Variants in CDH13 observed in about 807,000 individuals in gnomAD.
CDH13 encodes cadherin 13, also known as cadherin-13.
Under a neutral mutation model 63.8 loss-of-function variants are expected in CDH13, and 24 were observed. That is an observed-to-expected ratio of 0.38 (90% CI 0.27 to 0.53). CDH13 has a LOEUF of 0.53. CDH13 is among the 20% of genes least tolerant of loss of function. The probability of loss-of-function intolerance (pLI) is 0.85; values close to 1 mark genes in which losing one functional copy is unlikely to be tolerated. For missense variants in CDH13, 1,049 were observed against 903.1 expected, an observed-to-expected ratio of 1.16 and a Z score of -2.07; for synonymous variants, 503 against 355.3, an observed-to-expected ratio of 1.42 and a Z score of -4.67.
intron 7 of CDH13, among the ~76,000 whole-genome samples, chr16:83,507,739 TA>T (rs2074435535): frequency 6.6e-6 from 1 of 152,058 alleles, no homozygotes; most frequent in East Asian, 1.9e-4. Context: ...TTTTGCTTAG[TA>T]AAAAATTTAT....
chr16:83,263,548 G>A (rs557786257), intron 5 of CDH13, among the ~76,000 whole-genome samples: 4 of 152,142 alleles, frequency 2.6e-5, no homozygotes, highest in East Asian at 1.9e-4. Flanking sequence ...CCTAGCCACC[G>A]CCCACTGAAT....
intron 2 of CDH13, among the ~76,000 whole-genome samples, chr16:83,011,795 C>A (rs1204110550): frequency 6.6e-6 from 1 of 152,180 alleles, no homozygotes; most frequent in Non-Finnish European, 1.5e-5. Flanking sequence ...CTTCTACAGC[C>A]AAACCCAGCA....
At chr16:83,116,668 G>A (rs563686331) in intron 3 of CDH13, among the ~76,000 whole-genome samples, 6 of 152,358 alleles carry the variant, frequency 3.9e-5, no homozygotes, top group Admixed American at 1.3e-4. Flanking sequence ...ATTTAAGGGT[G>A]ATGGAGATGT....
intron 1 of CDH13, among the ~76,000 whole-genome samples, chr16:82,842,147 T>TATATAC (rs2039057350): frequency 6.5e-4 from 14 of 21,436 alleles, no homozygotes; most frequent in Non-Finnish European, 7.9e-4. Flanking sequence ...TACACATATA[T>TATATAC]ATATATATAT....
chr16:83,381,875 A>T (rs531372733), intron 6 of CDH13, among the ~76,000 whole-genome samples: 2 of 152,320 alleles, frequency 1.3e-5, no homozygotes, highest in East Asian at 3.9e-4. Flanking sequence ...ATTCACAAGT[A>T]TAAAATCATA....
chr16:83,185,125 C>T (rs1938749413), intron 4 of CDH13, among the ~76,000 whole-genome samples: 1 of 152,088 alleles, frequency 6.6e-6, no homozygotes, highest in African/African-American at 2.4e-5. Context: ...GGCACAGAAT[C>T]CTAAGGGTCC....
At chr16:83,552,214 C>G (rs1176227090) in intron 7 of CDH13, among the ~76,000 whole-genome samples, 1 of 152,110 alleles carries the variant, frequency 6.6e-6, no homozygotes, top group Non-Finnish European at 1.5e-5. Flanking sequence ...AGCCTGTGGA[C>G]CTAGTTGGGC....
intron 1 of CDH13, among the ~76,000 whole-genome samples, chr16:82,805,716 A>G (rs1005882924): frequency 6.6e-6 from 1 of 152,160 alleles, no homozygotes; most frequent in Non-Finnish European, 1.5e-5. Flanking sequence ...GTGATTTCTA[A>G]TGGTGCTTTT....
chr16:83,571,649 C>T (rs995045521), intron 7 of CDH13, among the ~76,000 whole-genome samples: 2 of 152,122 alleles, frequency 1.3e-5, no homozygotes, highest in Non-Finnish European at 2.9e-5. Context: ...CTTGAGAATC[C>T]AGCACAGGCA....
At position 83,798,667 on chromosome 16, in the gene CDH13, G is replaced by C. The variant is rs1351183588; in HGVS notation, c.*3637G>C. The C allele has an allele frequency of 6.6e-6, 1 of 152,166 alleles. No individual in the cohort carries two copies. Among genetic ancestry groups the C allele is most frequent in the Non-Finnish European group, 1.5e-5 (1 of 68,048 alleles). The allele number at this position is 152,166 out of a possible 1,614,324, so 9.4% of individuals were successfully genotyped here. On this transcript the variant is annotated 3_prime_UTR_variant, in exon 14 of 14. Transcript: ENST00000567109. ...CACTCTCAACCCAGGAGCAAAACCA[G>C]ACAAAGTGCCTACTGCAGACCGGAA... is the stretch of plus-strand genomic sequence containing the variant.
intron 4 of CDH13, among the ~76,000 whole-genome samples, chr16:83,134,552 AG>A (rs2036195428): frequency 2.2e-5 from 1 of 44,520 alleles, no homozygotes; most frequent in Non-Finnish European, 4.7e-5. Flanking sequence ...GGGGAGAGAG[AG>A]AGAGAGAGAG....
At chr16:83,486,109 C>T (rs1347046339) in intron 6 of CDH13, among the ~76,000 whole-genome samples, 1 of 151,266 alleles carries the variant, frequency 6.6e-6, no homozygotes, top group Non-Finnish European at 1.5e-5. Flanking sequence ...CGCCGCTGCA[C>T]TCCGGCTTGG....
At chr16:83,621,708 A>C (rs1296073794) in intron 8 of CDH13, among the ~76,000 whole-genome samples, 1 of 151,168 alleles carries the variant, frequency 6.6e-6, no homozygotes, top group Admixed American at 6.6e-5. Flanking sequence ...GCTGGTCTGG[A>C]GCTCTTAACC....
At chr16:83,112,350 C>T (rs554193747) in intron 3 of CDH13, among the ~76,000 whole-genome samples, 1 of 152,194 alleles carries the variant, frequency 6.6e-6, no homozygotes, top group South Asian at 2.1e-4. Context: ...AGCAAGCAAA[C>T]AGGCTTTGAG....
At chr16:83,661,603 A>G (rs1174966919) in intron 8 of CDH13, among the ~76,000 whole-genome samples, 2 of 152,152 alleles carry the variant, frequency 1.3e-5, no homozygotes, top group Non-Finnish European at 2.9e-5. Context: ...TAGGGCAAAG[A>G]CCTGCTTTGT....
chr16:83,760,836 A>G (rs763047045), intron 11 of CDH13, among the ~76,000 whole-genome samples: 1 of 152,240 alleles, frequency 6.6e-6, no homozygotes, highest in African/African-American at 2.4e-5. Flanking sequence ...AACCATTCAC[A>G]TATTCTCAAG....
At chr16:83,353,727 C>T (rs2091002577) in intron 6 of CDH13, among the ~76,000 whole-genome samples, 1 of 152,228 alleles carries the variant, frequency 6.6e-6, no homozygotes, top group Admixed American at 6.5e-5. Flanking sequence ...CTGGACTAGC[C>T]TATGTATCTG....
intron 5 of CDH13, among the ~76,000 whole-genome samples, chr16:83,285,345 G>A (rs1408668660): frequency 6.6e-6 from 1 of 151,968 alleles, no homozygotes; most frequent in Non-Finnish European, 1.5e-5. Context: ...GAAATCCGGA[G>A]GAAGTAATTA....
chr16:82,889,543 C>T (rs1344318906), intron 2 of CDH13, among the ~76,000 whole-genome samples: 1 of 152,214 alleles, frequency 6.6e-6, no homozygotes. Context: ...ATCTTATTAA[C>T]AGCCAAAGCA....
Sources: gnomAD v4.1 joint callset for allele counts (sites outside exome capture counted in the v4.1 genomes callset) on GRCh38, gnomAD v4.1.1 for gene constraint, MANE v1.5 for transcripts, NCBI Gene and HGNC (gene_info 2026-07-23, HGNC 2026-07-21) for gene names.